The following ODAD2 variants were observed in gnomAD, a reference collection of about 807,000 sequenced individuals.
The protein encoded by ODAD2 is outer dynein arm-docking complex subunit 2.
A neutral mutation model predicts 106.8 loss-of-function variants in ODAD2; 89 were observed. The observed-to-expected ratio is 0.83, with a 90% CI of 0.70 to 0.99. The LOEUF (loss-of-function observed/expected upper bound fraction) is 0.99. Ranked by LOEUF, ODAD2 falls within the 50% of genes least tolerant of loss-of-function variation. ODAD2 has a pLI of 0.00. For missense variants in ODAD2, 1,168 were observed against 1,238.5 expected, an observed-to-expected ratio of 0.94 and a Z score of 0.85; for synonymous variants, 404 against 436.2, an observed-to-expected ratio of 0.93 and a Z score of 0.92.
chr10:27,841,229 A>T (rs1838282196), intron 19 of ODAD2, among the ~76,000 whole-genome samples: 1 of 152,084 alleles, frequency 6.6e-6, no homozygotes, highest in Non-Finnish European at 1.5e-5. Flanking sequence ...TACTATGATT[A>T]TTTCCCTCTT....
intron 16 of ODAD2, among the ~76,000 whole-genome samples, chr10:27,923,253 C>G (rs966087256): frequency 1.3e-5 from 2 of 152,058 alleles, no homozygotes; most frequent in Non-Finnish European, 2.9e-5. Flanking sequence ...ATACTGCATG[C>G]AAGGGCACAT....
intron 19 of ODAD2, among the ~76,000 whole-genome samples, chr10:27,819,558 G>A (rs950882123): frequency 4.0e-5 from 5 of 124,908 alleles, no homozygotes; most frequent in Non-Finnish European, 8.1e-5. Context: ...GGGCAACATA[G>A]TGAGACCCTG....
chr10:27,872,931 G>C (rs895776131), intron 17 of ODAD2, among the ~76,000 whole-genome samples: 6 of 152,144 alleles, frequency 3.9e-5, no homozygotes, highest in Non-Finnish European at 7.3e-5. Context: ...AGAAGGAATG[G>C]TCCCCGCTCC....
At chr10:27,984,921 C>T in intron 4 of ODAD2, 98 bp downstream of exon 4, 2 of 522,004 alleles carry the variant, frequency 3.8e-6, no homozygotes, top group Admixed American at 4.1e-5. Flanking sequence ...ATTTAACTAT[C>T]TATTTTGAGA....
intron 8 of ODAD2, among the ~76,000 whole-genome samples, 172 bp downstream of exon 8, chr10:27,970,936 C>T (rs990563831): frequency 1.3e-5 from 2 of 151,840 alleles, no homozygotes; most frequent in Non-Finnish European, 1.5e-5. Flanking sequence ...GGCACCACTG[C>T]ACTCCTGCCT....
chr10:27,984,213 G>A lies in ODAD2; in HGVS notation c.653C>T (p.Thr218Ile). ...GGTATATTCAATAGATTCCAAGACT[G>A]TTTGGTTTCCTTTTCCTGAGAAACG... ...LKRFSGKGNQ[T>I]VLESIEYTSD... The change falls in exon 5 of 20, where the codon ACA (threonine) becomes ATA (isoleucine). Residue 218 changes from threonine to isoleucine, a missense_variant. Thr to Ile is a moderately conservative substitution (Grantham distance 89). Coordinates refer to ENST00000305242, the MANE Select transcript of ODAD2 (RefSeq NM_018076.5). The A allele has an allele frequency of 1.9e-6, 3 of 1,613,430 alleles. No homozygotes were observed. Among genetic ancestry groups the A allele is most frequent in the Non-Finnish European group, 2.5e-6 (3 of 1,179,450 alleles).
intron 19 of ODAD2, among the ~76,000 whole-genome samples, chr10:27,837,130 C>T (rs1260713104): frequency 6.6e-6 from 1 of 152,104 alleles, no homozygotes; most frequent in Non-Finnish European, 1.5e-5. Flanking sequence ...ACAATTCCAC[C>T]GTTAAAAGAC....
intron 17 of ODAD2, among the ~76,000 whole-genome samples, chr10:27,906,407 T>C (rs923392798): frequency 7.9e-5 from 12 of 152,174 alleles, no homozygotes; most frequent in African/African-American, 2.7e-4. Context: ...TTTTACACTG[T>C]TGGTGGGAGT....
intron 19 of ODAD2, among the ~76,000 whole-genome samples, chr10:27,848,282 T>C (rs1004232586): frequency 6.6e-6 from 1 of 152,130 alleles, no homozygotes; most frequent in Non-Finnish European, 1.5e-5. Flanking sequence ...TCTACAACCA[T>C]CTGATCTTTG....
chr10:27,993,327 C>G (rs561675787), intron 2 of ODAD2, among the ~76,000 whole-genome samples: 1 of 152,158 alleles, frequency 6.6e-6, no homozygotes, highest in Non-Finnish European at 1.5e-5. Context: ...ACCACTGGCA[C>G]AGTTAGAAAT....
intron 19 of ODAD2, among the ~76,000 whole-genome samples, chr10:27,857,030 G>C (rs1011987662): frequency 1.4e-4 from 21 of 152,046 alleles, no homozygotes; most frequent in African/African-American, 5.1e-4. Flanking sequence ...ATTATATGTT[G>C]AAATAACAAT....
chr10:27,949,394 A>T (rs933065), intron 10 of ODAD2, among the ~76,000 whole-genome samples: 85 of 152,150 alleles, frequency 5.6e-4, no homozygotes, highest in African/African-American at 2.0e-3. Context: ...GTGGAAGCAC[A>T]TCACAGGGAA....
intron 4 of ODAD2, 128 bp downstream of exon 4, chr10:27,984,891 A>G: frequency 2.4e-6 from 1 of 421,172 alleles, no homozygotes; most frequent in Non-Finnish European, 3.9e-6. Context: ...TTTAATTTTA[A>G]TTGTAATATT....
At chr10:27,831,990 T>C (rs906947645) in intron 19 of ODAD2, among the ~76,000 whole-genome samples, 11 of 152,240 alleles carry the variant, frequency 7.2e-5, no homozygotes, top group South Asian at 2.1e-4. Flanking sequence ...CTGCACAACA[T>C]TGGACTCACA....
rs115227486 is a variant in ODAD2, at chr10:27,831,170, A to G, written c.3022-18545T>C. Among the ~76,000 whole-genome samples the G allele has an allele frequency of 7.9e-3, 1,201 of 152,310 alleles. 21 individuals carry two copies. Among genetic ancestry groups the G allele is most frequent in the African/African-American group, 0.028 (1,148 of 41,570 alleles). On this transcript the variant is annotated intron_variant, in intron 19 of 19. Transcript: ENST00000305242. ...TGGATGCATCCTTACCTCTGCAGAT[A>G]ATGCTACCTCGGCCTGCAACACTGA...
At chr10:27,970,207 T>C (rs1405961148) in intron 8 of ODAD2, among the ~76,000 whole-genome samples, 2 of 152,216 alleles carry the variant, frequency 1.3e-5, no homozygotes, top group Non-Finnish European at 2.9e-5. Flanking sequence ...AATTTTTGCT[T>C]TGACGCCTGT....
At chr10:27,983,009 C>T (rs1849659614) in intron 6 of ODAD2, among the ~76,000 whole-genome samples, 1 of 152,220 alleles carries the variant, frequency 6.6e-6, no homozygotes, top group South Asian at 2.1e-4. Flanking sequence ...TAAAGGAAGA[C>T]TGAAAGGCTG....
At chr10:27,971,019 CAAAA>C in intron 8 of ODAD2, 85 bp downstream of exon 8, 1 of 531,434 alleles carries the variant, frequency 1.9e-6, no homozygotes, top group Non-Finnish European at 3.0e-6. Context: ...AACAAACAAA[CAAAA>C]TAAAATAAAA....
Position 27,984,169 on chromosome 10 carries a change from G to A in ODAD2, c.682+15C>T. 6.3e-7 allele frequency: 1 copy of A among 1,579,940 alleles called. No individual in the cohort carries two copies. Among genetic ancestry groups the A allele is most frequent in the Non-Finnish European group, 8.7e-7 (1 of 1,153,542 alleles). On this transcript the variant is annotated intron_variant, in intron 5 of 19. Coordinates refer to ENST00000305242, the MANE Select transcript of ODAD2 (RefSeq NM_018076.5). ...AATGTAAATAACATAAAATGAGCCT[G>A]AGAAAACATCAAACCTGAGGTATAT...
Sources: allele counts gnomAD v4.1 joint callset (sites outside exome capture counted in the v4.1 genomes callset), GRCh38; gene constraint gnomAD v4.1.1; transcripts MANE v1.5; gene names NCBI Gene and HGNC (gene_info 2026-07-23, HGNC 2026-07-21).